The following ANGPTL3 variants were observed in gnomAD, a reference collection of about 807,000 sequenced individuals.
ANGPTL3 encodes the protein angiopoietin-related protein 3.
In ANGPTL3, 51 loss-of-function variants were observed where a neutral mutation model predicts 52.7. The observed-to-expected ratio is 0.97, with a 90% CI of 0.77 to 1.22. ANGPTL3 has a LOEUF of 1.22. Among genes scored for constraint, ANGPTL3 ranks in the 50% most tolerant of loss-of-function variants. The pLI, the probability that ANGPTL3 is intolerant of heterozygous loss-of-function variation, is 0.00. For missense variants in ANGPTL3, 506 were observed against 520.7 expected (o/e 0.97, Z 0.27); for synonymous variants, 185 against 179.8 (o/e 1.03, Z -0.23).
At chr1:62,598,183 G>A in intron 1 of ANGPTL3, 122 bp downstream of exon 1, 1 of 968,292 alleles carries the variant, frequency 1.0e-6, no homozygotes, top group Non-Finnish European at 1.4e-6. Flanking sequence ...TTTTTTCCAA[G>A]AAAAATAATC....
intron 2 of ANGPTL3, among the ~76,000 whole-genome samples, chr1:62,599,981 A>C (rs1208445306): frequency 6.6e-6 from 1 of 151,954 alleles, no homozygotes; most frequent in African/African-American, 2.4e-5. Flanking sequence ...AAACAAAATC[A>C]TTTTCAAGAG....
In ANGPTL3 at chr1:62,597,608, T is replaced by TA. The variant is rs1468270765; in HGVS notation, c.43dup (p.Ile15AsnfsTer6). 1.6e-5 allele frequency: 25 copies of TA among 1,612,886 alleles called. No homozygotes were observed. The highest frequency in any genetic ancestry group is 2.1e-5 in the Non-Finnish European group (25 of 1,179,298). On this transcript the variant is annotated frameshift_variant, in exon 1 of 7. Coordinates refer to ENST00000371129, the MANE Select transcript of ANGPTL3 (RefSeq NM_014495.4). LOFTEE classifies it high-confidence loss of function. ...TCCTTCTTTTTATTGTTCCTCTAGT[T>TA]ATTTCCTCCAGAATTGATCAAGACA...
At chr1:62,601,023 T>C in intron 2 of ANGPTL3, 59 bp from the exon 3 acceptor site, 5 of 994,014 alleles carry the variant, frequency 5.0e-6, no homozygotes, top group Non-Finnish European at 8.1e-6. Flanking sequence ...CTTACTCAGA[T>C]TTCCCCTAAT....
chr1:62,602,020 T>G, intron 4 of ANGPTL3, 138 bp downstream of exon 4: 1 of 616,136 alleles, frequency 1.6e-6, no homozygotes, highest in Non-Finnish European at 2.8e-6. Context: ...ATAATACTTT[T>G]ACCTTGTTTA....
chr1:62,603,792 C>G (rs543422486), intron 5 of ANGPTL3, among the ~76,000 whole-genome samples, 177 bp from the exon 6 acceptor site: 9 of 151,872 alleles, frequency 5.9e-5, no homozygotes, highest in Non-Finnish European at 7.4e-5. Flanking sequence ...TTTTTGTGCA[C>G]ATAGCTATCT....
At position 62,605,614 on chromosome 1, in the gene ANGPTL3, T is replaced by C. The variant is rs1650875409; in HGVS notation, c.*797T>C. On this transcript the variant is annotated 3_prime_UTR_variant, in exon 7 of 7. Coordinates refer to ENST00000371129, the MANE Select transcript of ANGPTL3 (RefSeq NM_014495.4). Reference sequence around the variant, plus strand: ...TCAGATTACAGTAAGAATGAACATATTTGTGGCATCGAGTTAAAGTTTATA... The same window carrying C: ...TCAGATTACAGTAAGAATGAACATACTTGTGGCATCGAGTTAAAGTTTATA... 1 of 152,406 alleles carries C rather than the reference T, an allele frequency of 6.6e-6. No homozygotes were observed. The highest frequency in any genetic ancestry group is 6.6e-5 in the Admixed American group (1 of 15,248). The allele number at this position is 152,406 out of a possible 1,614,324, so 9.4% of individuals were successfully genotyped here.
rs1464811045 is a variant in ANGPTL3 at position 62,604,937 on chromosome 1, A to G, written c.*120A>G. On this transcript the variant is annotated 3_prime_UTR_variant, in exon 7 of 7. Transcript: ENST00000371129. ...TTGAGAAATAGATTTTTTTTATCTT[A>G]AAGTCACTGTCTATTTAAGATTAAA... The G allele has an allele frequency of 3.0e-6, 3 of 1,006,512 alleles. No homozygotes were observed. In the African/African-American group the frequency reaches 4.8e-5, roughly 16 times the overall value. 62.3% of individuals were successfully genotyped at this position (1,006,512 alleles called of 1,614,324 possible). A position where few individuals can be genotyped will look rare whatever the true frequency, so the allele number is the denominator to read the frequency against.
chr1:62,604,293 T>C, intron 6 of ANGPTL3, 58 bp downstream of exon 6: 1 of 1,588,238 alleles, frequency 6.3e-7, no homozygotes, highest in Middle Eastern at 1.7e-4. Context: ...CTTCCCACAT[T>C]ATTAGCTATT....
At position 62,598,711 on chromosome 1, in the gene ANGPTL3, CAAGAT is replaced by C; in HGVS notation, c.514_518del (p.Asp172Ter). ...CTATATCCAGACTTTTGTAGAAAAA[CAAGAT>C]AATAGCATCAAAGACCTTCTCCAGA... On this transcript the variant is annotated frameshift_variant, in exon 2 of 7. Transcript: ENST00000371129. LOFTEE classifies it high-confidence loss of function. 1 of 1,607,834 alleles carries C rather than the reference CAAGAT, an allele frequency of 6.2e-7. No individual in the cohort carries two copies. Among genetic ancestry groups the C allele is most frequent in the Non-Finnish European group, 8.5e-7 (1 of 1,174,936 alleles).
chr1:62,602,346 G>A lies in ANGPTL3; in HGVS notation c.897G>A (p.Trp299Ter). 6.2e-7 allele frequency: 1 copy of A among 1,610,854 alleles called. No individual in the cohort carries two copies. The highest frequency in any genetic ancestry group is 8.5e-7 in the Non-Finnish European group (1 of 1,177,692). Residue 299 changes from tryptophan to a stop codon, truncating the protein, a stop_gained, in exon 5 of 7, where the codon TGG becomes TGA. Coordinates refer to ENST00000371129, the MANE Select transcript of ANGPTL3 (RefSeq NM_014495.4). LOFTEE classifies it high-confidence loss of function. ...GATCACAAAACTTCAATGAAACGTG[G>A]GAGAACTACAAATATGGTTTTGGGA... is the stretch of plus-strand genomic sequence containing the variant. Reference protein sequence around the residue: ...IDGSQNFNETWENYKYGFGRL... With the variant: ...IDGSQNFNET
At position 62,604,727 on chromosome 1, in the gene ANGPTL3, A is replaced by G. The variant is rs1168661379; in HGVS notation, c.1293A>G (p.Gly431=). ...AATCTAAGCCAGAGAGGAGAAGAGG[A>G]TTATCTTGGAAGTCTCAAAATGGAA... The part of the protein sequence containing the change: ...RAKSKPERRR[G]LSWKSQNGRL... Residue 431 remains glycine, a synonymous_variant, in exon 7 of 7, where the codon GGA becomes GGG. Transcript: ENST00000371129. 1 of 1,613,286 alleles carries G rather than the reference A, an allele frequency of 6.2e-7. No individual in the cohort carries two copies. Among genetic ancestry groups the G allele is most frequent in the Admixed American group, 1.7e-5 (1 of 59,962 alleles).
At chr1:62,598,327 T>C (rs1411339119) in intron 1 of ANGPTL3, among the ~76,000 whole-genome samples, 2 of 152,072 alleles carry the variant, frequency 1.3e-5, no homozygotes, top group African/African-American at 4.8e-5. Context: ...TAGAACACTA[T>C]GTCATTACAC....
chr1:62,604,321 T>C (rs1413692662), intron 6 of ANGPTL3, 86 bp downstream of exon 6: 18 of 1,524,000 alleles, frequency 1.2e-5, no homozygotes, highest in Non-Finnish European at 1.6e-5. Flanking sequence ...ATGACAACTT[T>C]TAAAAATCCG....
rs1557778269 is a variant in ANGPTL3 at position 62,598,803 on chromosome 1, T to G, written c.603T>G (p.Asn201Lys). The change falls in exon 2 of 7, where the codon AAT becomes AAG. Residue 201 changes from asparagine (N) to lysine (K), a missense_variant. By Grantham distance (94) the Asn-to-Lys change is moderately conservative. Coordinates refer to ENST00000371129, the MANE Select transcript of ANGPTL3 (RefSeq NM_014495.4). ...ATAGTCAAATAAAAGAAATAGAAAA[T>G]CAGGTAAGTCAGTATTTTAATGGTA... Reference protein sequence around the residue: ...QQHSQIKEIENQLRRTSIQEP... With the variant: ...QQHSQIKEIEKQLRRTSIQEP... The G allele has an allele frequency of 6.4e-7, 1 of 1,557,652 alleles. No homozygotes were observed. Among genetic ancestry groups the G allele is most frequent in the Non-Finnish European group, 8.9e-7 (1 of 1,129,610 alleles).
At chr1:62,601,621 C>T (rs1207577927) in intron 3 of ANGPTL3, 148 bp from the exon 4 acceptor site, 15 of 572,514 alleles carry the variant, frequency 2.6e-5, no homozygotes, top group South Asian at 1.1e-4. Flanking sequence ...TTAAATAACA[C>T]GCCATCTAAG....
Position 62,604,867 on chromosome 1 carries a change from G to A in ANGPTL3, c.*50G>A, listed in dbSNP as rs758956598. ...AATTTAAACATTAACCTCATTCCAAGTTAATGTGGTCTAATAATCTGGTAT... is the reference window on the plus strand; with the variant it reads ...AATTTAAACATTAACCTCATTCCAAATTAATGTGGTCTAATAATCTGGTAT... On this transcript the variant is annotated 3_prime_UTR_variant, in exon 7 of 7. Coordinates refer to ENST00000371129, the MANE Select transcript of ANGPTL3 (RefSeq NM_014495.4). 9 of 679,818 alleles carry A rather than the reference G, an allele frequency of 1.3e-5. No homozygotes were observed. The highest frequency in any genetic ancestry group is 1.8e-5 in the Non-Finnish European group (9 of 489,502). 42.1% of individuals were successfully genotyped at this position (679,818 alleles called of 1,614,324 possible).
In ANGPTL3 at chr1:62,598,810, A is replaced by C; in HGVS notation, c.606+4A>C. 6.4e-7 allele frequency: 1 copy of C among 1,551,108 alleles called. No individual in the cohort carries two copies. The highest frequency in any genetic ancestry group is 8.9e-7 in the Non-Finnish European group (1 of 1,123,606). On this transcript the variant is annotated splice_donor_region_variant and intron_variant, in intron 2 of 6. Coordinates refer to ENST00000371129, the MANE Select transcript of ANGPTL3 (RefSeq NM_014495.4). ...AATAAAAGAAATAGAAAATCAGGTA[A>C]GTCAGTATTTTAATGGTATGTCCCA...
chr1:62,603,828 T>TA (rs1650519028), intron 5 of ANGPTL3, 141 bp from the exon 6 acceptor site: 1 of 745,058 alleles, frequency 1.3e-6, no homozygotes. Context: ...TAAAAGGTAT[T>TA]ATTTTAAGAT....
chr1:62,604,345 C>T (rs1004895380), intron 6 of ANGPTL3, 110 bp downstream of exon 6: 3 of 1,353,760 alleles, frequency 2.2e-6, no homozygotes, highest in African/African-American at 1.5e-5. Flanking sequence ...CCCAAATAAG[C>T]GTTTTCTCTC....
Sources: gnomAD v4.1 joint callset for allele counts (sites outside exome capture counted in the v4.1 genomes callset) on GRCh38, gnomAD v4.1.1 for gene constraint, MANE v1.5 for transcripts, NCBI Gene and HGNC (gene_info 2026-07-23, HGNC 2026-07-21) for gene names.